The following ANKS6 variants were observed in gnomAD, a reference collection of about 807,000 sequenced individuals.
ANKS6 encodes ankyrin repeat and SAM domain-containing protein 6.
A neutral mutation model predicts 77.9 loss-of-function variants in ANKS6; 47 were observed. That is an observed-to-expected ratio of 0.60 (90% CI 0.48 to 0.77). The LOEUF (loss-of-function observed/expected upper bound fraction) is 0.77. Among genes scored for constraint, ANKS6 ranks in the 30% least tolerant of loss-of-function variants. The probability of loss-of-function intolerance (pLI) is 0.00; values close to 1 mark genes in which losing one functional copy is unlikely to be tolerated. For missense variants in ANKS6, 1,150 were observed against 1,159.1 expected (o/e 0.99, Z 0.11); for synonymous variants, 488 against 501.7 (o/e 0.97, Z 0.37).
intron 1 of ANKS6, among the ~76,000 whole-genome samples, chr9:98,794,148 C>CAAA (rs375021953): frequency 0.54 from 59,126 of 109,474 alleles, 17,213 homozygotes; most frequent in African/African-American, 0.69. Flanking sequence ...GACTCCGTCT[C>CAAA]AAAAAAAAAA....
intron 12 of ANKS6, among the ~76,000 whole-genome samples, chr9:98,754,256 G>C (rs942535388): frequency 3.3e-5 from 5 of 152,212 alleles, no homozygotes; most frequent in Non-Finnish European, 5.9e-5. Flanking sequence ...GTGGAGTCCA[G>C]AGAGGAGGAA....
At chr9:98,764,037 A>T (rs1833148012) in intron 11 of ANKS6, among the ~76,000 whole-genome samples, 1 of 152,166 alleles carries the variant, frequency 6.6e-6, no homozygotes, top group Non-Finnish European at 1.5e-5. Context: ...AAATTTTATC[A>T]AACATCTAAG....
chr9:98,796,399 C>G lies in ANKS6; in HGVS notation c.93G>C (p.Pro31=), dbSNP rs1835179580. The change falls in exon 1 of 15, where the codon CCG becomes CCC. Residue 31 remains proline (P), a synonymous_variant. Transcript: ENST00000353234. ...CGCGCTCGGCTGGCTCCGCCGCCCC[C>G]GGCTCCAGCAGCCGCCGCGCCGTCT... is the stretch of plus-strand genomic sequence containing the variant. ...DTETARRLLE[P]GAAEPAERGA... is the part of the protein sequence containing the mutation. 3 of 999,052 alleles carry G rather than the reference C, an allele frequency of 3.0e-6. No homozygotes were observed. Among genetic ancestry groups the G allele is most frequent in the Non-Finnish European group, 3.6e-6 (3 of 840,990 alleles). The allele number at this position is 999,052 out of a possible 1,614,324, so 61.9% of individuals were successfully genotyped here.
At chr9:98,765,908 G>A (rs1833257249) in intron 11 of ANKS6, among the ~76,000 whole-genome samples, 1 of 152,160 alleles carries the variant, frequency 6.6e-6, no homozygotes, top group South Asian at 2.1e-4. Flanking sequence ...GGTTATCTTT[G>A]AAAAAGCACT....
chr9:98,756,907 C>T (rs1832740502), intron 11 of ANKS6, among the ~76,000 whole-genome samples: 1 of 142,454 alleles, frequency 7.0e-6, no homozygotes, highest in Non-Finnish European at 1.5e-5. Flanking sequence ...CAGCTACTTG[C>T]ATTGTGGCTT....
chr9:98,732,874 CG>C lies in ANKS6; in HGVS notation c.*3644del. 1 of 1,149,770 alleles carries C rather than the reference CG, an allele frequency of 8.7e-7. No homozygotes were observed. The highest frequency in any genetic ancestry group is 1.1e-6 in the Non-Finnish European group (1 of 931,320). The allele number at this position is 1,149,770 out of a possible 1,614,324, so 71.2% of individuals were successfully genotyped here. On this transcript the variant is annotated 3_prime_UTR_variant, in exon 15 of 15. Coordinates refer to ENST00000353234, the MANE Select transcript of ANKS6 (RefSeq NM_173551.5). ...CACCCAACTGACCCTTCCTCCCTGA[CG>C]ATCTAGAACTTACACATTACGTGCT...
Position 98,736,528 on chromosome 9 carries a change from G to A in ANKS6, c.2607C>T (p.Pro869=). The change falls in exon 15 of 15, where the codon CCC becomes CCT. Residue 869 remains proline (P), a synonymous_variant. Coordinates refer to ENST00000353234, the MANE Select transcript of ANKS6 (RefSeq NM_173551.5). ...ASNTRAPGNS[P]CA ...GCTGCGGGAAGGAGGATCACGCACAGGGGCTGTTGCCAGGGGCCCTGGTGT... is the reference window on the plus strand; with the variant it reads ...GCTGCGGGAAGGAGGATCACGCACAAGGGCTGTTGCCAGGGGCCCTGGTGT... 6.2e-7 allele frequency: 1 copy of A among 1,611,190 alleles called. No individual in the cohort carries two copies. The highest frequency in any genetic ancestry group is 8.5e-7 in the Non-Finnish European group (1 of 1,178,092).
chr9:98,771,363 G>T (rs1438137202), intron 9 of ANKS6, among the ~76,000 whole-genome samples: 1 of 152,194 alleles, frequency 6.6e-6, no homozygotes, highest in Non-Finnish European at 1.5e-5. Context: ...ACCCACGGAG[G>T]CCTCAGCACA....
In ANKS6 at chr9:98,796,139, G is replaced by A. The variant is rs1418590725; in HGVS notation, c.353C>T (p.Ala118Val). The A allele has an allele frequency of 4.3e-6, 6 of 1,379,838 alleles. No homozygotes were observed. Among genetic ancestry groups the A allele is most frequent in the South Asian group, 1.6e-5 (1 of 61,920 alleles). 85.5% of individuals were successfully genotyped at this position (1,379,838 alleles called of 1,614,324 possible). A position where few individuals can be genotyped will look rare whatever the true frequency, so the allele number is the denominator to read the frequency against. Residue 118 changes from alanine (A) to valine (V), a missense_variant, in exon 1 of 15, where the codon GCG becomes GTG. By Grantham distance (64) the Ala-to-Val change is moderately conservative (BLOSUM62 0). Coordinates refer to ENST00000353234, the MANE Select transcript of ANKS6 (RefSeq NM_173551.5). ...NHYGWSALMQ[A>V]ARFGHVSVAH... ...CCGGGCCCCGCCGCCTCACCTGGCC[G>A]CCTGCATGAGCGCGCTCCAGCCGTA...
At chr9:98,774,863 G>A (rs577172644) in intron 8 of ANKS6, among the ~76,000 whole-genome samples, 5 of 152,304 alleles carry the variant, frequency 3.3e-5, no homozygotes, top group South Asian at 4.1e-4. Context: ...TTGCAGCAAC[G>A]GGCATCCCAC....
chr9:98,779,310 G>T (rs746296388), intron 6 of ANKS6, among the ~76,000 whole-genome samples: 1 of 152,194 alleles, frequency 6.6e-6, no homozygotes, highest in Non-Finnish European at 1.5e-5. Context: ...TGTTTCTGGT[G>T]TTTCCAGGAA....
rs1177411343 is a variant in ANKS6 at position 98,734,966 on chromosome 9, A to C, written c.*1553T>G. ...ATCAGGGCAGGGGAAGAAAACTACG[A>C]GGCTCTGGGCAGTAAGTTAACGACA... On this transcript the variant is annotated 3_prime_UTR_variant, in exon 15 of 15. Coordinates refer to ENST00000353234, the MANE Select transcript of ANKS6 (RefSeq NM_173551.5). 1.0e-6 allele frequency: 1 copy of C among 985,312 alleles called. No individual in the cohort carries two copies. The highest frequency in any genetic ancestry group is 1.1e-4 in the East Asian group (1 of 8,832). 61.0% of individuals were successfully genotyped at this position (985,312 alleles called of 1,614,324 possible).
chr9:98,733,678 T>C lies in ANKS6; in HGVS notation c.*2841A>G. The C allele has an allele frequency of 1.0e-6, 1 of 985,438 alleles. No homozygotes were observed. Among genetic ancestry groups the C allele is most frequent in the Non-Finnish European group, 1.2e-6 (1 of 829,950 alleles). 61.0% of individuals were successfully genotyped at this position (985,438 alleles called of 1,614,324 possible). ...GTGATGAGAGTAATGTGGGAGATGCTATGAGTTTCTTGGCCCTGTGAAGAG... is the reference window on the plus strand; with the variant it reads ...GTGATGAGAGTAATGTGGGAGATGCCATGAGTTTCTTGGCCCTGTGAAGAG... On this transcript the variant is annotated 3_prime_UTR_variant, in exon 15 of 15. Transcript: ENST00000353234.
In ANKS6 at chr9:98,734,045, T is replaced by G. The variant is rs1240961074; in HGVS notation, c.*2474A>C. The G allele has an allele frequency of 2.0e-6, 2 of 985,168 alleles. No homozygotes were observed. Among genetic ancestry groups the G allele is most frequent in the African/African-American group, 3.5e-5 (2 of 57,174 alleles). 61.0% of individuals were successfully genotyped at this position (985,168 alleles called of 1,614,324 possible). A position where few individuals can be genotyped will look rare whatever the true frequency, so the allele number is the denominator to read the frequency against. On this transcript the variant is annotated 3_prime_UTR_variant, in exon 15 of 15. Coordinates refer to ENST00000353234, the MANE Select transcript of ANKS6 (RefSeq NM_173551.5). The stretch of plus-strand genomic sequence containing the variant: ...CCAACTGACCCCTCCTCCCTGACGA[T>G]CTATAACCTACATGTTCCGTGCTGC...
chr9:98,780,332 C>A lies in ANKS6; in HGVS notation c.1225G>T (p.Glu409Ter), dbSNP rs758117856. Residue 409 changes from glutamate to a stop codon, truncating the protein, a stop_gained, in exon 6 of 15, where the codon GAA becomes TAA. Transcript: ENST00000353234. LOFTEE classifies it high-confidence loss of function. ...ACAGATGCCAGCAGTCGAACAAGTT[C>A]CGTGTCTATGGACACAAAAGGCATC... Reference protein sequence around the residue: ...LVMLLNDPDTELVRLLASVCM... With the variant: ...LVMLLNDPDT The A allele has an allele frequency of 2.0e-5, 32 of 1,592,374 alleles. 1 individual carries two copies. In the South Asian group the frequency reaches 3.6e-4, roughly 18 times the overall value.
chr9:98,753,620 CAAA>C (rs34295529), intron 12 of ANKS6, among the ~76,000 whole-genome samples: 1 of 144,654 alleles, frequency 6.9e-6, no homozygotes, highest in Admixed American at 6.9e-5. Context: ...GACCCTATCT[CAAA>C]AAAAAAAAAA....
Position 98,735,880 on chromosome 9 carries a change from C to G in ANKS6, c.*639G>C, listed in dbSNP as rs992021939. 5 of 1,232,082 alleles carry G rather than the reference C, an allele frequency of 4.1e-6. No homozygotes were observed. In the Admixed American group the frequency reaches 1.3e-4, roughly 31 times the overall value. The allele number at this position is 1,232,082 out of a possible 1,614,324, so 76.3% of individuals were successfully genotyped here. A position where few individuals can be genotyped will look rare whatever the true frequency, so the allele number is the denominator to read the frequency against. ...AGTCACATACACAGCACTAAGGGAC[C>G]CAGTGGCTGAAAGGGGGTCAAAAAA... On this transcript the variant is annotated 3_prime_UTR_variant, in exon 15 of 15. Coordinates refer to ENST00000353234, the MANE Select transcript of ANKS6 (RefSeq NM_173551.5).
intron 5 of ANKS6, among the ~76,000 whole-genome samples, chr9:98,782,011 G>A (rs936225018): frequency 6.6e-6 from 1 of 152,104 alleles, no homozygotes; most frequent in African/African-American, 2.4e-5. Flanking sequence ...TGGAACTAAC[G>A]GCTACATTCC....
At chr9:98,736,662 T>TA (rs761458509) in intron 14 of ANKS6, 39 bp from the exon 15 acceptor site, 148 of 1,554,522 alleles carry the variant, frequency 9.5e-5, no homozygotes, top group Non-Finnish European at 1.3e-4. Context: ...AAAGTCTTAT[T>TA]AAACCTTTTA....
Sources: allele counts gnomAD v4.1 joint callset (sites outside exome capture counted in the v4.1 genomes callset), GRCh38; gene constraint gnomAD v4.1.1; transcripts MANE v1.5; gene names NCBI Gene and HGNC (gene_info 2026-07-23, HGNC 2026-07-21).